The following RALGPS1 variants were observed in gnomAD, a reference collection of about 807,000 sequenced individuals.
The protein encoded by RALGPS1 is Ral GEF with PH domain and SH3 binding motif 1, also known as ras-specific guanine nucleotide-releasing factor RalGPS1.
A neutral mutation model predicts 78.8 loss-of-function variants in RALGPS1; 19 were observed. That is an observed-to-expected ratio of 0.24 (90% CI 0.17 to 0.35). RALGPS1 has a LOEUF of 0.35. Ranked by LOEUF, RALGPS1 falls within the 10% of genes least tolerant of loss-of-function variation. The pLI is 1.00. For missense variants in RALGPS1, 454 were observed against 688.3 expected (o/e 0.66, Z 3.81); for synonymous variants, 228 against 256.3 (o/e 0.89, Z 1.06).
chr9:127,153,267 T>C (rs543538071), intron 8 of RALGPS1, among the ~76,000 whole-genome samples: 2 of 152,174 alleles, frequency 1.3e-5, no homozygotes, highest in East Asian at 3.9e-4. Context: ...CTGTGAATGC[T>C]GAAGACATAG....
intron 8 of RALGPS1, among the ~76,000 whole-genome samples, chr9:127,129,313 C>A (rs2056843989): frequency 6.6e-6 from 1 of 152,158 alleles, no homozygotes; most frequent in African/African-American, 2.4e-5. Flanking sequence ...CTTTCCAAAG[C>A]TGTTTAAAAT....
chr9:127,064,151 A>C (rs945664169), intron 7 of RALGPS1, among the ~76,000 whole-genome samples: 37 of 152,344 alleles, frequency 2.4e-4, no homozygotes, highest in Admixed American at 7.8e-4. Flanking sequence ...GTGAAGCTAG[A>C]CTTAGTGAAA....
intron 1 of RALGPS1, among the ~76,000 whole-genome samples, chr9:126,960,515 TGA>T: frequency 2.0e-5 from 3 of 152,014 alleles, no homozygotes; most frequent in Non-Finnish European, 4.4e-5. Flanking sequence ...ATTACAGGTG[TGA>T]GCCACTGTGC....
chr9:126,925,977 G>A (rs1418517216), intron 1 of RALGPS1, among the ~76,000 whole-genome samples: 1 of 152,246 alleles, frequency 6.6e-6, no homozygotes, highest in Admixed American at 6.5e-5. Flanking sequence ...GGAGAGACCA[G>A]TGTTCATGTT....
intron 8 of RALGPS1, among the ~76,000 whole-genome samples, chr9:127,132,336 T>TA (rs1434949293): frequency 1.3e-5 from 2 of 152,118 alleles, no homozygotes; most frequent in Admixed American, 6.5e-5. Flanking sequence ...AAGGGTACGT[T>TA]AAAAAAAGGT....
intron 5 of RALGPS1, among the ~76,000 whole-genome samples, chr9:127,044,811 A>G (rs543372697): frequency 9.8e-5 from 15 of 152,316 alleles, no homozygotes; most frequent in African/African-American, 3.1e-4. Context: ...GCATATTGCC[A>G]AGTGAAAAAA....
chr9:127,169,175 G>A (rs1218209625), intron 10 of RALGPS1, among the ~76,000 whole-genome samples: 2 of 152,218 alleles, frequency 1.3e-5, no homozygotes, highest in Non-Finnish European at 2.9e-5. Flanking sequence ...ACAGTGCTGG[G>A]TGGCAAGGCA....
At position 127,196,597 on chromosome 9, in the gene RALGPS1, C is replaced by T; in HGVS notation, c.1161C>T (p.Thr387=). 1 of 1,612,108 alleles carries T rather than the reference C, an allele frequency of 6.2e-7. No individual in the cohort carries two copies. The highest frequency in any genetic ancestry group is 8.5e-7 in the Non-Finnish European group (1 of 1,178,822). Residue 387 remains threonine (T), a synonymous_variant, in exon 13 of 19, where the codon ACC becomes ACT. Coordinates refer to ENST00000259351, the MANE Select transcript of RALGPS1 (RefSeq NM_014636.3). The stretch of plus-strand genomic sequence containing the variant: ...GCCCCCGAAGGGGCCTGGCTCTGAC[C>T]TCCTCCTCTGCTGTCACCAATGGAC... ...SRSPRRGLAL[T]SSSAVTNGLS...
intron 14 of RALGPS1, chr9:127,210,542 GC>G: frequency 1.6e-6 from 1 of 623,344 alleles, no homozygotes; most frequent in Middle Eastern, 4.3e-4. Flanking sequence ...TTGTAGTGTG[GC>G]CGAGGAGGCT....
chr9:126,915,968 T>A (rs2034115023), intron 1 of RALGPS1, among the ~76,000 whole-genome samples: 1 of 152,126 alleles, frequency 6.6e-6, no homozygotes. Context: ...GGGATGAGAA[T>A]TCAGAAGCTT....
intron 8 of RALGPS1, among the ~76,000 whole-genome samples, chr9:127,106,590 G>A (rs2137032317): frequency 6.6e-6 from 1 of 152,328 alleles, no homozygotes; most frequent in Admixed American, 6.5e-5. Flanking sequence ...GAGCTAATCA[G>A]TGGTGGAAAC....
At chr9:126,943,811 G>A (rs571168374) in intron 1 of RALGPS1, among the ~76,000 whole-genome samples, 1 of 152,326 alleles carries the variant, frequency 6.6e-6, no homozygotes, top group African/African-American at 2.4e-5. Flanking sequence ...TTTAAGGGAA[G>A]GACCAGGCTG....
intron 8 of RALGPS1, among the ~76,000 whole-genome samples, chr9:127,084,374 C>T (rs1486876403): frequency 6.6e-6 from 1 of 152,168 alleles, no homozygotes; most frequent in Admixed American, 6.5e-5. Context: ...GCTCGTGCTC[C>T]CTCCCTGGAG....
Position 127,211,365 on chromosome 9 carries a change from A to G in RALGPS1, c.1248-766A>G, listed in dbSNP as rs1469252314. Among the ~76,000 whole-genome samples the G allele has an allele frequency of 6.6e-6, 1 of 152,192 alleles. No individual in the cohort carries two copies. The highest frequency in any genetic ancestry group is 1.5e-5 in the Non-Finnish European group (1 of 68,044). ...TGGGCAGTGGCTCGAAGGAAGGTCC[A>G]GTGGCCTGAGGTGTAGTGGGATGGC... On this transcript the variant is annotated intron_variant, in intron 14 of 18. Transcript: ENST00000259351. The surrounding 1 kb of genome is among the most constrained non-coding windows in gnomAD (Gnocchi z 5.0).
intron 5 of RALGPS1, among the ~76,000 whole-genome samples, chr9:127,047,881 G>A (rs1434931717): frequency 2.0e-5 from 3 of 151,854 alleles, no homozygotes; most frequent in African/African-American, 7.3e-5. Context: ...AAGTTTTGTA[G>A]TTAGAAAAGA....
intron 4 of RALGPS1, among the ~76,000 whole-genome samples, chr9:126,997,043 A>C (rs2042835801): frequency 6.6e-6 from 1 of 152,240 alleles, no homozygotes; most frequent in Non-Finnish European, 1.5e-5. Flanking sequence ...CAAAATAATA[A>C]GAGCTATCTA....
chr9:127,170,799 A>G (rs2059531825), intron 10 of RALGPS1, among the ~76,000 whole-genome samples: 1 of 152,236 alleles, frequency 6.6e-6, no homozygotes, highest in Admixed American at 6.5e-5. Flanking sequence ...ACCTGATGCT[A>G]AACAACAGTC....
chr9:127,026,581 TA>T (rs141693800), intron 4 of RALGPS1, among the ~76,000 whole-genome samples: 7,371 of 152,354 alleles, frequency 0.048, 304 homozygotes, highest in Non-Finnish European at 0.068. Flanking sequence ...TTCCTTTTCT[TA>T]ACAGTGTCTA....
intron 8 of RALGPS1, among the ~76,000 whole-genome samples, chr9:127,121,104 C>G (rs1177090151): frequency 2.0e-5 from 3 of 152,198 alleles, no homozygotes; most frequent in Admixed American, 2.0e-4. Flanking sequence ...CCTCAGTTTC[C>G]TCACCTATAA....
Sources: allele counts gnomAD v4.1 joint callset (sites outside exome capture counted in the v4.1 genomes callset), GRCh38; gene constraint gnomAD v4.1.1; non-coding constraint Gnocchi (gnomAD v3.1); transcripts MANE v1.5; gene names NCBI Gene and HGNC (gene_info 2026-07-23, HGNC 2026-07-21).